The following BRAP variants were observed in gnomAD, a reference collection of about 807,000 sequenced individuals.
BRAP encodes BRCA1-associated protein.
In BRAP, 42 loss-of-function variants were observed where a neutral mutation model predicts 73.4. The observed-to-expected ratio is 0.57, with a 90% CI of 0.45 to 0.74. The LOEUF (loss-of-function observed/expected upper bound fraction) is 0.74, where lower values mean the gene tolerates loss of function less well. Among genes scored for constraint, BRAP ranks in the 30% least tolerant of loss-of-function variants. The pLI is 0.00. For missense variants in BRAP, 593 were observed against 751.4 expected (o/e 0.79, Z 2.46); for synonymous variants, 255 against 267.4 (o/e 0.95, Z 0.45).
chr12:111,660,851 A>G (rs1005948144), intron 6 of BRAP, among the ~76,000 whole-genome samples, 176 bp from the exon 7 acceptor site: 2 of 152,214 alleles, frequency 1.3e-5, no homozygotes, highest in African/African-American at 4.8e-5. Context: ...AAATCTTGAT[A>G]AAACAGAGAA....
Position 111,674,955 on chromosome 12 carries a change from C to G in BRAP, c.634-2181G>C, listed in dbSNP as rs532750598. Among the ~76,000 whole-genome samples, 8 of 152,292 alleles carry G rather than the reference C, an allele frequency of 5.3e-5. No homozygotes were observed. In the East Asian group the frequency reaches 1.5e-3, roughly 29 times the overall value. On this transcript the variant is annotated intron_variant, in intron 4 of 11. Coordinates refer to ENST00000419234, the MANE Select transcript of BRAP (RefSeq NM_006768.5). The stretch of plus-strand genomic sequence containing the variant: ...AGCCCTCTTGGGGTCTAGAGCTCTG[C>G]AAATGCTCACTAAACGACCAGCCTC...
chr12:111,683,262 G>A lies in BRAP; in HGVS notation c.128C>T (p.Ser43Leu). The change falls in exon 2 of 12, where the codon TCA becomes TTA. Residue 43 changes from serine to leucine, a missense_variant. Ser to Leu is a moderately radical substitution (Grantham distance 145). This residue lies in a region of BRAP where 304 missense variants were observed against 337.7 expected (regional missense o/e 0.90). Coordinates refer to ENST00000419234, the MANE Select transcript of BRAP (RefSeq NM_006768.5). ...CTTGCCTTCTAAACAGGCTACAGCT[G>A]AGGCTAGTGTCGTCTTTTTTATCTC... ...DEEIKKTTLASAVACLEGKSP... is the reference protein window; with the variant it reads ...DEEIKKTTLALAVACLEGKSP... The A allele has an allele frequency of 1.2e-6, 2 of 1,613,660 alleles. No homozygotes were observed. The highest frequency in any genetic ancestry group is 1.7e-6 in the Non-Finnish European group (2 of 1,179,868).
intron 5 of BRAP, among the ~76,000 whole-genome samples, chr12:111,666,335 G>C (rs960815119): frequency 6.6e-6 from 1 of 152,084 alleles, no homozygotes; most frequent in Non-Finnish European, 1.5e-5. Context: ...AGAACACAAA[G>C]GAACAAAAGA....
intron 5 of BRAP, among the ~76,000 whole-genome samples, chr12:111,667,518 G>T (rs1886989137): frequency 6.6e-6 from 1 of 151,590 alleles, no homozygotes; most frequent in South Asian, 2.1e-4. Flanking sequence ...GGCCAAGAGG[G>T]TGAAACCCTG....
rs530050056 is a variant in BRAP, at chr12:111,649,325, G to T, written c.1415+614C>A. ...GCGCCACCATGCCCAGCTCATTTTT[G>T]TATTTTTAGTGGAGATGGGGTTTTA... On this transcript the variant is annotated intron_variant, in intron 11 of 11. Transcript: ENST00000419234. Among the ~76,000 whole-genome samples the T allele has an allele frequency of 5.1e-4, 78 of 152,082 alleles. 1 individual carries two copies. Among genetic ancestry groups the T allele is most frequent in the African/African-American group, 1.9e-3 (77 of 41,496 alleles).
At position 111,649,965 on chromosome 12, in the gene BRAP, T is replaced by A; in HGVS notation, c.1389A>T (p.Leu463=). ...TTCTTTCCACAGACTGCTTTTCTTT[T>A]AGGAGATCATTTAGTTTGTGCTCTA... ...DNLEHKLNDL[L]KEKQSVERKC... is the part of the protein sequence containing the mutation. The change falls in exon 11 of 12, where the codon CTA becomes CTT. Residue 463 remains leucine, a synonymous_variant. Transcript: ENST00000419234. 3 of 1,610,682 alleles carry A rather than the reference T, an allele frequency of 1.9e-6. No individual in the cohort carries two copies. Among genetic ancestry groups the A allele is most frequent in the South Asian group, 1.1e-5 (1 of 90,910 alleles).
chr12:111,667,463 G>C (rs1446290189), intron 5 of BRAP, among the ~76,000 whole-genome samples: 1 of 151,954 alleles, frequency 6.6e-6, no homozygotes, highest in African/African-American at 2.4e-5. Context: ...CACTTTGGGA[G>C]GCCGAGGCGG....
chr12:111,676,562 C>T (rs945504260), intron 4 of BRAP, among the ~76,000 whole-genome samples: 5 of 152,118 alleles, frequency 3.3e-5, no homozygotes, highest in African/African-American at 9.7e-5. Flanking sequence ...TACAGGCGTG[C>T]GCCACCACAT....
intron 6 of BRAP, among the ~76,000 whole-genome samples, chr12:111,663,345 C>T (rs1028422806): frequency 1.3e-5 from 2 of 151,786 alleles, no homozygotes; most frequent in South Asian, 2.1e-4. Flanking sequence ...CCCAGCTACT[C>T]GGGAGGCTGA....
At chr12:111,684,497 C>A (rs565126809) in intron 1 of BRAP, among the ~76,000 whole-genome samples, 13 of 152,262 alleles carry the variant, frequency 8.5e-5, no homozygotes, top group African/African-American at 2.9e-4. Flanking sequence ...AATACTTTCC[C>A]AAATTGTTTC....
At chr12:111,666,374 G>A (rs1886943717) in intron 5 of BRAP, among the ~76,000 whole-genome samples, 1 of 152,164 alleles carries the variant, frequency 6.6e-6, no homozygotes, top group Non-Finnish European at 1.5e-5. Flanking sequence ...TTTTTCCATA[G>A]AGTAAGTTAT....
At chr12:111,647,424 G>C (rs149140183) in intron 11 of BRAP, among the ~76,000 whole-genome samples, 66 of 152,264 alleles carry the variant, frequency 4.3e-4, no homozygotes. Flanking sequence ...TTCTATTTTT[G>C]CAGAGAAAAG....
rs1486501735 is a variant in BRAP at position 111,642,667 on chromosome 12, AG to A, written c.*1531del. ...AAATAAAATAGAATCTCTATAGGAA[AG>A]AGAATTAGGTTATGCTTTACATTCC... On this transcript the variant is annotated 3_prime_UTR_variant, in exon 12 of 12. Coordinates refer to ENST00000419234, the MANE Select transcript of BRAP (RefSeq NM_006768.5). 6.6e-6 allele frequency: 1 copy of A among 152,222 alleles called. No homozygotes were observed. The highest frequency in any genetic ancestry group is 1.5e-5 in the Non-Finnish European group (1 of 68,040). The allele number at this position is 152,222 out of a possible 1,614,324, so 9.4% of individuals were successfully genotyped here.
At position 111,649,999 on chromosome 12, in the gene BRAP, C is replaced by T. The variant is rs1886257756; in HGVS notation, c.1355G>A (p.Cys452Tyr). ...KTKFKETIEK[C>Y]DNLEHKLNDL... ...ATTTAGTTTGTGCTCTAGATTATCA[C>T]ACTTCTCAATTGTTTCTTTAAACTT... The change falls in exon 11 of 12, where the codon TGT becomes TAT. Residue 452 changes from cysteine (C) to tyrosine (Y), a missense_variant. This residue lies in a region of BRAP where 143 missense variants were observed against 190.4 expected (regional missense o/e 0.75). Coordinates refer to ENST00000419234, the MANE Select transcript of BRAP (RefSeq NM_006768.5). The T allele has an allele frequency of 2.5e-6, 4 of 1,611,978 alleles. No individual in the cohort carries two copies. The highest frequency in any genetic ancestry group is 3.4e-6 in the Non-Finnish European group (4 of 1,178,658).
At chr12:111,677,425 G>A (rs1887423999) in intron 4 of BRAP, among the ~76,000 whole-genome samples, 1 of 152,188 alleles carries the variant, frequency 6.6e-6, no homozygotes, top group Admixed American at 6.6e-5. Context: ...AATTAAAAGT[G>A]AGGGTGCCAC....
chr12:111,676,563 G>A (rs1042778052), intron 4 of BRAP, among the ~76,000 whole-genome samples: 7 of 152,152 alleles, frequency 4.6e-5, no homozygotes, highest in Non-Finnish European at 7.3e-5. Context: ...ACAGGCGTGC[G>A]CCACCACATC....
intron 11 of BRAP, among the ~76,000 whole-genome samples, chr12:111,645,359 G>A (rs1031848235): frequency 3.9e-5 from 6 of 152,280 alleles, no homozygotes; most frequent in South Asian, 4.1e-4. Flanking sequence ...GAGCCACCGC[G>A]TCCAGCCCAC....
chr12:111,670,199 A>C, intron 5 of BRAP: 2 of 610,572 alleles, frequency 3.3e-6, no homozygotes, highest in South Asian at 2.8e-5. Context: ...CTTTGTTGGG[A>C]GGTCTGCAGC....
At chr12:111,664,679 C>T (rs552966919) in intron 6 of BRAP, among the ~76,000 whole-genome samples, 16 of 152,354 alleles carry the variant, frequency 1.1e-4, no homozygotes, top group African/African-American at 3.1e-4. Flanking sequence ...GCATGGCCCC[C>T]GCTCTGTGAA....
Sources: allele counts gnomAD v4.1 joint callset (sites outside exome capture counted in the v4.1 genomes callset), GRCh38; gene constraint gnomAD v4.1.1; regional missense constraint gnomAD v4.1.1; transcripts MANE v1.5; gene names NCBI Gene and HGNC (gene_info 2026-07-23, HGNC 2026-07-21).